Variants in PHACTR1 observed in about 807,000 individuals in gnomAD.
PHACTR1 encodes phosphatase and actin regulator 1.
In PHACTR1, 16 loss-of-function variants were observed where a neutral mutation model predicts 69.2. The observed-to-expected ratio is 0.23, with a 90% CI of 0.16 to 0.35. The LOEUF (loss-of-function observed/expected upper bound fraction) is 0.35, where lower values mean the gene tolerates loss of function less well. PHACTR1 is among the 10% of genes least tolerant of loss of function. PHACTR1 has a pLI of 1.00. For synonymous variants in PHACTR1, 312 were observed against 284.5 expected, an observed-to-expected ratio of 1.10 and a Z score of -0.97; for missense variants, 510 against 734.7, an observed-to-expected ratio of 0.69 and a Z score of 3.54.
At chr6:13,089,713 C>T (rs1206923988) in intron 5 of PHACTR1, among the ~76,000 whole-genome samples, 1 of 152,140 alleles carries the variant, frequency 6.6e-6, no homozygotes, top group Non-Finnish European at 1.5e-5. Context: ...TGGTTCGCGT[C>T]CTACTAGCTG....
chr6:13,221,047 T>G (rs115630369), intron 8 of PHACTR1, among the ~76,000 whole-genome samples: 2,686 of 152,188 alleles, frequency 0.018, 73 homozygotes, highest in African/African-American at 0.061. Context: ...TGATTTCCAT[T>G]GGAAAAATCA....
At chr6:12,986,633 G>A (rs1421199790) in intron 4 of PHACTR1, among the ~76,000 whole-genome samples, 10 of 152,202 alleles carry the variant, frequency 6.6e-5, no homozygotes, top group African/African-American at 2.2e-4. Context: ...TCGTTTGGGC[G>A]ACAGATATGT....
chr6:13,286,409 G>A (rs181681713), intron 14 of PHACTR1, among the ~76,000 whole-genome samples, 187 bp downstream of exon 14: 8 of 152,262 alleles, frequency 5.3e-5, no homozygotes, highest in African/African-American at 1.7e-4. Flanking sequence ...CAGATGGCCC[G>A]GGCTAAAACC....
At chr6:13,133,979 C>T (rs2327633) in intron 5 of PHACTR1, among the ~76,000 whole-genome samples, 21,203 of 151,612 alleles carry the variant, frequency 0.14, 1,705 homozygotes, top group Middle Eastern at 0.2. Context: ...CGCCTCTGCC[C>T]GGCCGCGACT....
At chr6:12,806,682 A>C (rs1172642606) in intron 4 of PHACTR1, among the ~76,000 whole-genome samples, 3 of 152,154 alleles carry the variant, frequency 2.0e-5, no homozygotes, top group African/African-American at 7.2e-5. Flanking sequence ...GCATGCTTTA[A>C]TACTAGAAAA....
intron 4 of PHACTR1, among the ~76,000 whole-genome samples, chr6:12,793,729 G>A (rs1418537562): frequency 3.9e-5 from 6 of 152,110 alleles, no homozygotes; most frequent in Non-Finnish European, 7.4e-5. Context: ...TTTTCCAAAG[G>A]CTATAGATAA....
intron 4 of PHACTR1, among the ~76,000 whole-genome samples, chr6:12,861,987 A>G (rs1212505620): frequency 6.6e-6 from 1 of 152,222 alleles, no homozygotes; most frequent in African/African-American, 2.4e-5. Flanking sequence ...TCATAAAACT[A>G]TGATTACCAT....
intron 4 of PHACTR1, among the ~76,000 whole-genome samples, chr6:12,982,873 A>T (rs1795690291): frequency 6.6e-6 from 1 of 152,212 alleles, no homozygotes; most frequent in African/African-American, 2.4e-5. Flanking sequence ...GCTATAACTA[A>T]TGAGATGTAT....
chr6:12,764,048 A>T (rs1184946011), intron 4 of PHACTR1, among the ~76,000 whole-genome samples: 3 of 152,190 alleles, frequency 2.0e-5, no homozygotes, highest in African/African-American at 7.2e-5. Flanking sequence ...ACAGAGTTGA[A>T]ATGGTGACAC....
At chr6:13,209,755 C>G (rs539167533) in intron 8 of PHACTR1, among the ~76,000 whole-genome samples, 2 of 152,346 alleles carry the variant, frequency 1.3e-5, no homozygotes, top group East Asian at 1.9e-4. Context: ...CCCAACATAG[C>G]CTGCTTCATT....
chr6:12,767,858 T>C (rs975477948), intron 4 of PHACTR1, among the ~76,000 whole-genome samples: 1 of 152,214 alleles, frequency 6.6e-6, no homozygotes, highest in Admixed American at 6.5e-5. Flanking sequence ...TGATAAATCT[T>C]GTTTAAGTTA....
intron 5 of PHACTR1, among the ~76,000 whole-genome samples, chr6:13,084,655 T>G (rs955755625): frequency 2.0e-5 from 3 of 152,006 alleles, no homozygotes; most frequent in Admixed American, 6.6e-5. Flanking sequence ...TGCCCCTTAT[T>G]TAAAAATATT....
chr6:13,029,138 C>T (rs1253717948), intron 4 of PHACTR1, among the ~76,000 whole-genome samples: 1 of 152,088 alleles, frequency 6.6e-6, no homozygotes, highest in East Asian at 1.9e-4. Flanking sequence ...AGATAGTATG[C>T]CTGAGTCTCA....
intron 5 of PHACTR1, 79 bp downstream of exon 5, chr6:13,053,608 A>G (rs1368921554): frequency 3.4e-6 from 5 of 1,489,956 alleles, no homozygotes; most frequent in Middle Eastern, 1.7e-4. Context: ...TTTAATTGCA[A>G]TAGGCTGTTT....
chr6:13,272,979 T>G (rs1778081114), intron 11 of PHACTR1, 64 bp downstream of exon 11: 12 of 1,600,298 alleles, frequency 7.5e-6, no homozygotes, highest in Non-Finnish European at 9.4e-6. Flanking sequence ...TATTTAATGG[T>G]AGGCCACAAG....
rs534135780 is a variant in PHACTR1 at position 13,117,404 on chromosome 6, G to A, written c.416-42800G>A. On this transcript the variant is annotated intron_variant, in intron 5 of 14. Transcript: ENST00000332995. ...GTAGTGATGTCATATGGATTTGTTT[G>A]GGAAATGGGTATCTATGAATAATCT... 5.3e-5 allele frequency among the ~76,000 whole-genome samples: 8 copies of A among 152,240 alleles called. No individual in the cohort carries two copies. In the South Asian group the frequency reaches 1.5e-3, roughly 28 times the overall value.
At chr6:13,131,235 A>T (rs993852759) in intron 5 of PHACTR1, among the ~76,000 whole-genome samples, 2 of 148,786 alleles carry the variant, frequency 1.3e-5, no homozygotes, top group Admixed American at 1.3e-4. Flanking sequence ...ACACACACAC[A>T]CACACACACA....
chr6:13,213,995 T>C (rs1211789982), intron 8 of PHACTR1: 1 of 152,190 alleles, frequency 6.6e-6, no homozygotes, highest in African/African-American at 2.4e-5. Flanking sequence ...TAGAAAAATA[T>C]CTTACTTTTA....
At chr6:13,244,521 C>T (rs536986934) in intron 10 of PHACTR1, among the ~76,000 whole-genome samples, 8 of 152,304 alleles carry the variant, frequency 5.3e-5, no homozygotes, top group South Asian at 2.1e-4. Flanking sequence ...GAGACAGGTA[C>T]GCCCCGGGGG....
Sources: allele counts gnomAD v4.1 joint callset (sites outside exome capture counted in the v4.1 genomes callset), GRCh38; gene constraint gnomAD v4.1.1; transcripts MANE v1.5; gene names NCBI Gene and HGNC (gene_info 2026-07-23, HGNC 2026-07-21).